The following ITK variants were observed in gnomAD, a reference collection of about 807,000 sequenced individuals.
ITK encodes the protein tyrosine-protein kinase ITK/TSK.
In ITK, 45 loss-of-function variants were observed where a neutral mutation model predicts 87.6. The observed-to-expected ratio is 0.51, with a 90% CI of 0.40 to 0.66. ITK has a LOEUF of 0.66. Among genes scored for constraint, ITK ranks in the 30% least tolerant of loss-of-function variants. The probability of loss-of-function intolerance (pLI) is 0.00; values close to 1 mark genes in which losing one functional copy is unlikely to be tolerated. For synonymous variants in ITK, 303 were observed against 273.6 expected, an observed-to-expected ratio of 1.11 and a Z score of -1.06; for missense variants, 605 against 766.3, an observed-to-expected ratio of 0.79 and a Z score of 2.48.
At chr5:157,251,025 A>G (rs770542855) in intron 16 of ITK, among the ~76,000 whole-genome samples, 9 of 152,240 alleles carry the variant, frequency 5.9e-5, no homozygotes, top group Non-Finnish European at 1.3e-4. Flanking sequence ...TAAATTTTCA[A>G]CTCAATTGGG....
intron 1 of ITK, among the ~76,000 whole-genome samples, chr5:157,204,331 C>T (rs1418546856): frequency 2.0e-5 from 3 of 151,992 alleles, no homozygotes; most frequent in Admixed American, 1.3e-4. Flanking sequence ...GAGGCTGAGG[C>T]GGGCAGATTG....
intron 2 of ITK, among the ~76,000 whole-genome samples, chr5:157,209,612 T>C (rs461440): frequency 0.96 from 146,319 of 152,066 alleles, 70,438 homozygotes; most frequent in East Asian, 1. Flanking sequence ...ATCAGCGGCC[T>C]GAAACCTAAT....
intron 1 of ITK, among the ~76,000 whole-genome samples, chr5:157,206,079 G>A (rs749224006): frequency 2.8e-5 from 4 of 145,334 alleles, no homozygotes; most frequent in East Asian, 2.1e-4. Context: ...TCAGCCTCCC[G>A]AGAAGCTGGG....
At chr5:157,217,974 T>C in intron 5 of ITK, 67 bp downstream of exon 5, 1 of 1,343,424 alleles carries the variant, frequency 7.4e-7, no homozygotes, top group Non-Finnish European at 1.1e-6. Context: ...TGTTCCTATT[T>C]GCATGTCCCC....
Position 157,252,723 on chromosome 5 carries a change from G to A in ITK, c.*45G>A, listed in dbSNP as rs759110023. ...CACGGGCTGCAGATCCTGAATGGAG[G>A]AAGGATATGTCCTCATTCCATAGAG... On this transcript the variant is annotated 3_prime_UTR_variant, in exon 17 of 17. Coordinates refer to ENST00000422843, the MANE Select transcript of ITK (RefSeq NM_005546.4). 2.9e-6 allele frequency: 4 copies of A among 1,378,468 alleles called. No individual in the cohort carries two copies. In the African/African-American group the frequency reaches 5.7e-5, roughly 20 times the overall value. The allele number at this position is 1,378,468 out of a possible 1,614,324, so 85.4% of individuals were successfully genotyped here. A position where few individuals can be genotyped will look rare whatever the true frequency, so the allele number is the denominator to read the frequency against.
intron 6 of ITK, among the ~76,000 whole-genome samples, chr5:157,223,274 A>G (rs1308796729): frequency 2.0e-5 from 3 of 152,074 alleles, no homozygotes; most frequent in Non-Finnish European, 4.4e-5. Flanking sequence ...ACTCATCTAA[A>G]AAACCCCCTG....
At chr5:157,181,137 T>C (rs1313174658) in intron 1 of ITK, 22 bp downstream of exon 1, 1 of 1,613,812 alleles carries the variant, frequency 6.2e-7, no homozygotes, top group East Asian at 2.2e-5. Flanking sequence ...GTTTCATTTG[T>C]CTTTTTTCGC....
In ITK at chr5:157,224,674, G is replaced by T. The variant is rs998921575; in HGVS notation, c.647+1660G>T. On this transcript the variant is annotated intron_variant, in intron 6 of 16. Transcript: ENST00000422843. ...CAGGCGCCTGTGATTCCAGCTACTC[G>T]GGAGGCTGGGGCAGGAGAATCGCTT... 3.3e-5 allele frequency among the ~76,000 whole-genome samples: 5 copies of T among 152,064 alleles called. No homozygotes were observed. The South Asian group carries it at 6.2e-4, about 19-fold the overall frequency.
At position 157,238,089 on chromosome 5, in the gene ITK, A is replaced by G. The variant is rs1408896868; in HGVS notation, c.769-20A>G. On this transcript the variant is annotated intron_variant, in intron 8 of 16. Transcript: ENST00000422843. ...GGTTTCCTGAGATCACTAACTTTCCATTCTTTCTAACCATTCCAGGGCAAA... is the reference window on the plus strand; with the variant it reads ...GGTTTCCTGAGATCACTAACTTTCCGTTCTTTCTAACCATTCCAGGGCAAA... The G allele has an allele frequency of 1.7e-5, 27 of 1,596,594 alleles. No homozygotes were observed. In the Admixed American group the frequency reaches 4.5e-4, roughly 27 times the overall value.
intron 1 of ITK, among the ~76,000 whole-genome samples, chr5:157,190,830 G>C (rs1201702786): frequency 6.6e-6 from 1 of 152,226 alleles, no homozygotes; most frequent in Non-Finnish European, 1.5e-5. Context: ...TGAACATGCA[G>C]AGTTCAAGAG....
chr5:157,224,965 A>G (rs1754502256), intron 6 of ITK, among the ~76,000 whole-genome samples: 1 of 151,890 alleles, frequency 6.6e-6, no homozygotes. Context: ...ATACAAACAT[A>G]TATATATGAT....
chr5:157,200,693 G>A (rs1372656176), intron 1 of ITK, among the ~76,000 whole-genome samples: 1 of 152,188 alleles, frequency 6.6e-6, no homozygotes, highest in Non-Finnish European at 1.5e-5. Context: ...TGAGAGTGAC[G>A]TTGACGGTGG....
intron 6 of ITK, among the ~76,000 whole-genome samples, chr5:157,227,156 G>A (rs1754548692): frequency 6.6e-6 from 1 of 152,132 alleles, no homozygotes. Flanking sequence ...AGAGTATGGA[G>A]TATCTACTTA....
At position 157,253,202 on chromosome 5, in the gene ITK, C is replaced by T. The variant is rs1256818185; in HGVS notation, c.*524C>T. ...AGATTAGAGTGAGTGTGCTCTGTTGCTGTGATGCTGTCAGCCACAGCTTCC... is the reference window on the plus strand; with the variant it reads ...AGATTAGAGTGAGTGTGCTCTGTTGTTGTGATGCTGTCAGCCACAGCTTCC... On this transcript the variant is annotated 3_prime_UTR_variant, in exon 17 of 17. Transcript: ENST00000422843. The T allele has an allele frequency of 7.9e-6, 2 of 251,712 alleles. No individual in the cohort carries two copies. The highest frequency in any genetic ancestry group is 2.2e-5 in the African/African-American group (1 of 45,702). 15.6% of individuals were successfully genotyped at this position (251,712 alleles called of 1,614,324 possible).
chr5:157,196,880 G>A (rs1238182953), intron 1 of ITK, among the ~76,000 whole-genome samples: 3 of 152,176 alleles, frequency 2.0e-5, no homozygotes, highest in Non-Finnish European at 2.9e-5. Flanking sequence ...TGGGAGGAAG[G>A]TCTTTGAAGG....
At chr5:157,182,359 T>C (rs1193165336) in intron 1 of ITK, among the ~76,000 whole-genome samples, 1 of 152,184 alleles carries the variant, frequency 6.6e-6, no homozygotes, top group African/African-American at 2.4e-5. Context: ...GAGGTCAGGC[T>C]GGGTATAGAG....
At chr5:157,250,428 T>C (rs1755117657) in intron 16 of ITK, among the ~76,000 whole-genome samples, 1 of 152,138 alleles carries the variant, frequency 6.6e-6, no homozygotes, top group Admixed American at 6.5e-5. Flanking sequence ...AATATTCCAT[T>C]GTATGGATAT....
At chr5:157,240,353 G>A in intron 10 of ITK, 158 bp downstream of exon 10, 1 of 718,246 alleles carries the variant, frequency 1.4e-6, no homozygotes, top group South Asian at 1.5e-5. Flanking sequence ...TGGGATCTAG[G>A]TTGTGTGCTC....
At chr5:157,194,620 T>C (rs754006840) in intron 1 of ITK, among the ~76,000 whole-genome samples, 1 of 152,182 alleles carries the variant, frequency 6.6e-6, no homozygotes, top group East Asian at 1.9e-4. Flanking sequence ...ATGATCCAAT[T>C]TGGTGTTTCC....
Sources: allele counts gnomAD v4.1 joint callset (sites outside exome capture counted in the v4.1 genomes callset), GRCh38; gene constraint gnomAD v4.1.1; transcripts MANE v1.5; gene names NCBI Gene and HGNC (gene_info 2026-07-23, HGNC 2026-07-21).